Variants in MAU2 observed in about 807,000 individuals in gnomAD.
MAU2 encodes MAU2 chromatid cohesion factor homolog.
MAU2 carries 9 observed loss-of-function variants against 89.1 expected under a neutral mutation model. The observed-to-expected ratio is 0.10, with a 90% confidence interval of 0.06 to 0.18. The LOEUF is 0.18. Among genes scored for constraint, MAU2 ranks in the 10% least tolerant of loss-of-function variants. The pLI is 1.00. For missense variants in MAU2, 425 were observed against 803.5 expected (o/e 0.53, Z 5.69); for synonymous variants, 357 against 343.4 (o/e 1.04, Z -0.44).
At chr19:19,350,352 C>T (rs980958015) in intron 16 of MAU2, among the ~76,000 whole-genome samples, 1 of 151,458 alleles carries the variant, frequency 6.6e-6, no homozygotes, top group East Asian at 1.9e-4. Context: ...GCCTGTAATC[C>T]CAGCACTTTG....
chr19:19,330,041 G>A (rs1043167436), intron 1 of MAU2, among the ~76,000 whole-genome samples: 7 of 151,410 alleles, frequency 4.6e-5, no homozygotes, highest in Admixed American at 1.3e-4. Context: ...GTGCAGTGGC[G>A]CAATCTTAGC....
rs1648870840 is a variant in MAU2, at chr19:19,345,710, G to GCCC, written c.1221+341_1221+342insCCC. ...GGCTCAAGTGTCAGCTGACAACTCA[G>GCCC]AGCCATCCTGGGTTCAGGGCTCCCA... On this transcript the variant is annotated intron_variant, in intron 12 of 18. Coordinates refer to ENST00000262815, the MANE Select transcript of MAU2 (RefSeq NM_015329.4). The surrounding 1 kb of genome is among the most constrained non-coding windows in gnomAD (Gnocchi z 4.9). 1.3e-5 allele frequency among the ~76,000 whole-genome samples: 2 copies of GCCC among 152,184 alleles called. No homozygotes were observed. Among genetic ancestry groups the GCCC allele is most frequent in the Non-Finnish European group, 2.9e-5 (2 of 68,030 alleles).
rs776070778 is a variant in MAU2, at chr19:19,349,455, GC to G, written c.1548+23del. Reference sequence around the variant, plus strand: ...CCACAGGGTGAGTGCCCTGGCCTGGGCCCCTCGCTTGGGTGCCTGTGGGGCT... The same window carrying G: ...CCACAGGGTGAGTGCCCTGGCCTGGGCCCTCGCTTGGGTGCCTGTGGGGCT... On this transcript the variant is annotated intron_variant, in intron 16 of 18. Transcript: ENST00000262815. 5 of 1,607,868 alleles carry G rather than the reference GC, an allele frequency of 3.1e-6. No individual in the cohort carries two copies. In the East Asian group the frequency reaches 1.1e-4, roughly 36 times the overall value.
chr19:19,324,105 G>T (rs1029224947), intron 1 of MAU2, among the ~76,000 whole-genome samples: 1 of 152,212 alleles, frequency 6.6e-6, no homozygotes, highest in African/African-American at 2.4e-5. Flanking sequence ...TCATGAGGAA[G>T]ACAAATGATA....
At chr19:19,343,813 C>G (rs764544260) in intron 9 of MAU2, 24 bp from the exon 10 acceptor site, 1 of 1,588,086 alleles carries the variant, frequency 6.3e-7, no homozygotes. Flanking sequence ...CCCCTGCATG[C>G]TTACCCCTGA....
chr19:19,341,383 C>T lies in MAU2; in HGVS notation c.711C>T (p.Val237=). ...SLRVFFLVLQ[V]THYLDAGQVK... is the part of the protein sequence containing the mutation. ...GTGTCTTCTTCCTGGTGCTCCAGGT[C>T]ACCCACTATCTGGATGCCGGGCAGG... The change falls in exon 7 of 19, where the codon GTC becomes GTT. Residue 237 remains valine, a synonymous_variant. Coordinates refer to ENST00000262815, the MANE Select transcript of MAU2 (RefSeq NM_015329.4). 1 of 1,613,982 alleles carries T rather than the reference C, an allele frequency of 6.2e-7. No individual in the cohort carries two copies. The highest frequency in any genetic ancestry group is 2.2e-5 in the East Asian group (1 of 44,888).
At chr19:19,331,074 C>T (rs2146664909) in intron 1 of MAU2, among the ~76,000 whole-genome samples, 1 of 152,244 alleles carries the variant, frequency 6.6e-6, no homozygotes, top group East Asian at 1.9e-4. Flanking sequence ...CCCTGAGAAC[C>T]CTAAGGTGAC....
chr19:19,355,492 C>T, intron 18 of MAU2, 101 bp downstream of exon 18: 1 of 1,513,746 alleles, frequency 6.6e-7, no homozygotes, highest in Non-Finnish European at 8.9e-7. Context: ...TCCAACAAAC[C>T]CTAACTCAGC....
In MAU2 at chr19:19,358,439, A is replaced by G. The variant is rs867397909; in HGVS notation, c.*2657A>G. The G allele has an allele frequency of 1.4e-4, 21 of 152,178 alleles. No individual in the cohort carries two copies. The highest frequency in any genetic ancestry group is 4.6e-4 in the Admixed American group (7 of 15,272). The allele number at this position is 152,178 out of a possible 1,614,324, so 9.4% of individuals were successfully genotyped here. On this transcript the variant is annotated 3_prime_UTR_variant, in exon 19 of 19. Transcript: ENST00000262815. ...GGGATAAGCACTCCCAGCCCCGTTT[A>G]TCAGAAACACAGGCAAGGAAATTGG...
rs577216137 is a variant in MAU2, at chr19:19,355,861, G to T, written c.*79G>T. The stretch of plus-strand genomic sequence containing the variant: ...CCAGACGGCACTCAAGCCTGCCCCC[G>T]AGGCGTGCTTCCTTCCTGATTGTCT... On this transcript the variant is annotated 3_prime_UTR_variant, in exon 19 of 19. Coordinates refer to ENST00000262815, the MANE Select transcript of MAU2 (RefSeq NM_015329.4). The T allele has an allele frequency of 1.5e-6, 2 of 1,306,702 alleles. No individual in the cohort carries two copies. Among genetic ancestry groups the T allele is most frequent in the South Asian group, 1.2e-5 (1 of 85,080 alleles). 80.9% of individuals were successfully genotyped at this position (1,306,702 alleles called of 1,614,324 possible). A position where few individuals can be genotyped will look rare whatever the true frequency, so the allele number is the denominator to read the frequency against.
Sources: allele counts gnomAD v4.1 joint callset (sites outside exome capture counted in the v4.1 genomes callset), GRCh38; gene constraint gnomAD v4.1.1; non-coding constraint Gnocchi (gnomAD v3.1); transcripts MANE v1.5; gene names NCBI Gene and HGNC (gene_info 2026-07-23, HGNC 2026-07-21).